The following NDUFAF2 variants were observed in gnomAD, a reference collection of about 807,000 sequenced individuals.
NDUFAF2 encodes NADH dehydrogenase [ubiquinone] 1 alpha subcomplex assembly factor 2.
Under a neutral mutation model 22.8 loss-of-function variants are expected in NDUFAF2, and 13 were observed. That is an observed-to-expected ratio of 0.57 (90% CI 0.37 to 0.91). The LOEUF (loss-of-function observed/expected upper bound fraction) is 0.91. Among genes scored for constraint, NDUFAF2 ranks in the 40% least tolerant of loss-of-function variants. The probability of loss-of-function intolerance (pLI) is 0.01; values close to 1 mark genes in which losing one functional copy is unlikely to be tolerated. For missense variants in NDUFAF2, 162 were observed against 195.2 expected, an observed-to-expected ratio of 0.83 and a Z score of 1.01; for synonymous variants, 53 against 64.2, an observed-to-expected ratio of 0.83 and a Z score of 0.84.
At chr5:61,107,296 T>C (rs1019974089) in intron 3 of NDUFAF2, among the ~76,000 whole-genome samples, 1 of 151,408 alleles carries the variant, frequency 6.6e-6, no homozygotes, top group South Asian at 2.1e-4. Context: ...GGTGACGTGA[T>C]ATCTCGTTGT....
intron 1 of NDUFAF2, among the ~76,000 whole-genome samples, chr5:60,955,350 G>A (rs1750601156): frequency 6.6e-6 from 1 of 152,026 alleles, no homozygotes; most frequent in South Asian, 2.1e-4. Context: ...TGTGTTCTTG[G>A]CATAATTGTC....
intron 1 of NDUFAF2, among the ~76,000 whole-genome samples, chr5:60,949,554 C>T (rs1413481078): frequency 6.6e-6 from 1 of 152,186 alleles, no homozygotes; most frequent in Admixed American, 6.5e-5. Flanking sequence ...TCCATGAGTA[C>T]ATACCTAAGA....
At chr5:60,968,570 T>C (rs543231990) in intron 1 of NDUFAF2, among the ~76,000 whole-genome samples, 1 of 151,960 alleles carries the variant, frequency 6.6e-6, no homozygotes, top group African/African-American at 2.4e-5. Context: ...TAAAAATATT[T>C]TTAGTTTTTA....
intron 3 of NDUFAF2, among the ~76,000 whole-genome samples, chr5:61,140,139 G>A (rs754532953): frequency 7.9e-5 from 12 of 152,270 alleles, no homozygotes; most frequent in Non-Finnish European, 1.8e-4. Flanking sequence ...GCGTGGTCAA[G>A]CAAGGCCTGG....
chr5:61,148,371 G>A (rs560370896), intron 3 of NDUFAF2, among the ~76,000 whole-genome samples: 82 of 152,344 alleles, frequency 5.4e-4, no homozygotes, highest in Non-Finnish European at 1.0e-3. Context: ...ATGGCAGGAG[G>A]ACTAGCCTGG....
intron 3 of NDUFAF2, among the ~76,000 whole-genome samples, chr5:61,103,226 C>T (rs1178622465): frequency 2.0e-5 from 3 of 152,046 alleles, no homozygotes; most frequent in Non-Finnish European, 4.4e-5. Flanking sequence ...AGCTTTGTCT[C>T]CTTAGGCTAC....
At chr5:61,072,854 G>A (rs183832074) in intron 1 of NDUFAF2, among the ~76,000 whole-genome samples, 94 of 152,108 alleles carry the variant, frequency 6.2e-4, no homozygotes, top group African/African-American at 2.1e-3. Context: ...CACCCACCTC[G>A]GCCTCCCAAA....
At chr5:61,001,449 G>C (rs903189914) in intron 1 of NDUFAF2, among the ~76,000 whole-genome samples, 1 of 152,106 alleles carries the variant, frequency 6.6e-6, no homozygotes, top group Non-Finnish European at 1.5e-5. Flanking sequence ...TCACGCTTAT[G>C]TGCTGTCTGC....
At chr5:60,965,508 C>T (rs1750747962) in intron 1 of NDUFAF2, among the ~76,000 whole-genome samples, 1 of 152,080 alleles carries the variant, frequency 6.6e-6, no homozygotes, top group African/African-American at 2.4e-5. Context: ...TACTCTTTGA[C>T]CAGCGTCTCC....
chr5:61,098,342 G>A (rs1436971745), intron 2 of NDUFAF2, among the ~76,000 whole-genome samples: 1 of 152,180 alleles, frequency 6.6e-6, no homozygotes, highest in East Asian at 1.9e-4. Flanking sequence ...ATACTATACT[G>A]TCTTCCATGT....
intron 1 of NDUFAF2, among the ~76,000 whole-genome samples, chr5:61,042,360 TA>T (rs1751894288): frequency 6.6e-6 from 1 of 152,062 alleles, no homozygotes; most frequent in South Asian, 2.1e-4. Flanking sequence ...TATTATTGTA[TA>T]AAAAGGAAAA....
Position 61,132,986 on chromosome 5 carries a change from G to A in NDUFAF2, c.259-19718G>A, listed in dbSNP as rs569133661. ...CTTGCACTGTCTTCATAATGGTGGC[G>A]GGGGTGGGGGCAATAGAGTCCTGAG... On this transcript the variant is annotated intron_variant, in intron 3 of 3. Coordinates refer to ENST00000296597, the MANE Select transcript of NDUFAF2 (RefSeq NM_174889.5). Among the ~76,000 whole-genome samples, 321 of 152,054 alleles carry A rather than the reference G, an allele frequency of 2.1e-3. 2 individuals carry two copies. The highest frequency in any genetic ancestry group is 7.3e-3 in the African/African-American group (301 of 41,454).
At chr5:61,033,779 C>T (rs1458922085) in intron 1 of NDUFAF2, among the ~76,000 whole-genome samples, 1 of 151,960 alleles carries the variant, frequency 6.6e-6, no homozygotes, top group Non-Finnish European at 1.5e-5. Context: ...AAGATGACTA[C>T]TTAGAAGGAG....
chr5:61,008,714 G>C (rs1751405339), intron 1 of NDUFAF2, among the ~76,000 whole-genome samples: 1 of 152,002 alleles, frequency 6.6e-6, no homozygotes, highest in South Asian at 2.1e-4. Flanking sequence ...GGTTAATTTA[G>C]TTAATAAGTG....
At chr5:60,987,216 G>C (rs1751094065) in intron 1 of NDUFAF2, among the ~76,000 whole-genome samples, 1 of 152,090 alleles carries the variant, frequency 6.6e-6, no homozygotes, top group African/African-American at 2.4e-5. Flanking sequence ...ATTCTCCCAA[G>C]ACTGAGCCAG....
intron 1 of NDUFAF2, among the ~76,000 whole-genome samples, chr5:61,072,660 G>C (rs182967641): frequency 6.6e-6 from 1 of 151,996 alleles, no homozygotes. Flanking sequence ...GCAGTGGCTC[G>C]ATCTCGGTTC....
At chr5:61,005,719 G>T (rs1392061755) in intron 1 of NDUFAF2, among the ~76,000 whole-genome samples, 2 of 152,170 alleles carry the variant, frequency 1.3e-5, no homozygotes, top group East Asian at 1.9e-4. Context: ...TCATGTGTCT[G>T]TTGGCTGCAT....
intron 1 of NDUFAF2, among the ~76,000 whole-genome samples, chr5:61,033,568 A>G (rs1375582599): frequency 6.6e-6 from 1 of 152,146 alleles, no homozygotes; most frequent in Non-Finnish European, 1.5e-5. Context: ...ACCTAGAACT[A>G]CTTAAGACAC....
rs577855829 is a variant in NDUFAF2 at position 61,131,542 on chromosome 5, A to C, written c.259-21162A>C. The stretch of plus-strand genomic sequence containing the variant: ...GGCAAATGTATACAAATTTTATACA[A>C]GAATGTTGTTTGTAGTATTGTAAAA... On this transcript the variant is annotated intron_variant, in intron 3 of 3. Coordinates refer to ENST00000296597, the MANE Select transcript of NDUFAF2 (RefSeq NM_174889.5). Among the ~76,000 whole-genome samples, 3 of 152,292 alleles carry C rather than the reference A, an allele frequency of 2.0e-5. No homozygotes were observed. The South Asian group carries it at 6.2e-4, about 32-fold the overall frequency.
Sources: allele counts gnomAD v4.1 joint callset (sites outside exome capture counted in the v4.1 genomes callset), GRCh38; gene constraint gnomAD v4.1.1; transcripts MANE v1.5; gene names NCBI Gene and HGNC (gene_info 2026-07-23, HGNC 2026-07-21).